JMJD1C: variants seen among roughly 807,000 people sequenced by gnomAD.
JMJD1C encodes jumonji domain-containing protein 1C.
A neutral mutation model predicts 245.3 loss-of-function variants in JMJD1C; 31 were observed. The observed-to-expected ratio is 0.13, with a 90% CI of 0.09 to 0.17. The LOEUF (loss-of-function observed/expected upper bound fraction) is 0.17. Ranked by LOEUF, JMJD1C falls within the 10% of genes least tolerant of loss-of-function variation. The probability of loss-of-function intolerance (pLI) is 1.00; values close to 1 mark genes in which losing one functional copy is unlikely to be tolerated. For missense variants in JMJD1C, 2,691 were observed against 3,000.2 expected (o/e 0.90, Z 2.41); for synonymous variants, 1,057 against 1,017.4 (o/e 1.04, Z -0.74).
rs1253466513 is a variant in JMJD1C, at chr10:63,198,616, T to C, written c.5388A>G (p.Glu1796=). ...TATATTTAGAAGTCTCTATATCTAG[T>C]TCATCATCTTCAAAATTTTCATGTG... ...LWTHENFEDD[E]LDIETSKYIL... Residue 1796 remains glutamate (E), a synonymous_variant, in exon 12 of 26, where the codon GAA becomes GAG. Coordinates refer to ENST00000399262, the MANE Select transcript of JMJD1C (RefSeq NM_032776.3). 1.2e-6 allele frequency: 2 copies of C among 1,608,342 alleles called. No individual in the cohort carries two copies. Among genetic ancestry groups the C allele is most frequent in the Non-Finnish European group, 1.7e-6 (2 of 1,175,310 alleles).
intron 11 of JMJD1C, 74 bp downstream of exon 11, chr10:63,200,402 T>A (rs1463457694): frequency 8.8e-7 from 1 of 1,131,006 alleles, no homozygotes; most frequent in Non-Finnish European, 1.3e-6. Flanking sequence ...AAAGGGACAC[T>A]CAGAATAACA....
intron 3 of JMJD1C, among the ~76,000 whole-genome samples, chr10:63,243,103 T>TATATATATATATATATATATATATA (rs1851692218): frequency 8.3e-6 from 1 of 120,100 alleles, no homozygotes; most frequent in African/African-American, 3.1e-5. Flanking sequence ...CTAACATAAA[T>TATATATATATATATATATATATATA]TATATATATA....
chr10:63,298,229 C>A (rs1859669316), intron 2 of JMJD1C, among the ~76,000 whole-genome samples: 2 of 152,170 alleles, frequency 1.3e-5, no homozygotes, highest in South Asian at 4.1e-4. Flanking sequence ...GTAGTGTGAG[C>A]CGAGTTCAGC....
At chr10:63,304,442 A>G (rs1414870461) in intron 2 of JMJD1C, among the ~76,000 whole-genome samples, 2 of 152,198 alleles carry the variant, frequency 1.3e-5, no homozygotes, top group Non-Finnish European at 2.9e-5. Flanking sequence ...AAAACACCAA[A>G]AAAACCCAGC....
At position 63,208,576 on chromosome 10, in the gene JMJD1C, A is replaced by G. The variant is rs1397945403; in HGVS notation, c.3093T>C (p.Asp1031=). 8 of 1,613,960 alleles carry G rather than the reference A, an allele frequency of 5.0e-6. No homozygotes were observed. The highest frequency in any genetic ancestry group is 1.7e-5 in the Admixed American group (1 of 60,012). Residue 1031 remains aspartate (D), a synonymous_variant, in exon 10 of 26, where the codon GAT becomes GAC. Transcript: ENST00000399262. ...TGATTTTAGTTGTAAAGGGAGCAAC[A>G]TCAATACTTTCTTGAAGAATTCGAC... The part of the protein sequence containing the change: ...EHRRILQESI[D]VAPFTTKIKG...
Position 63,213,845 on chromosome 10 carries a change from T to C in JMJD1C, c.2322A>G (p.Leu774=), listed in dbSNP as rs1414243223. The change falls in exon 8 of 26, where the codon TTA becomes TTG. Residue 774 remains leucine, a synonymous_variant. Transcript: ENST00000399262. ...TCAGAGGATGAGTGTTAATGGTAGGTAATGGAGTTTGACTAGATGATCCGG... is the reference window on the plus strand; with the variant it reads ...TCAGAGGATGAGTGTTAATGGTAGGCAATGGAGTTTGACTAGATGATCCGG... The part of the protein sequence containing the change: ...LLAGSSSQTP[L]PTINTHPLTS... 6.2e-7 allele frequency: 1 copy of C among 1,613,752 alleles called. No individual in the cohort carries two copies. Among genetic ancestry groups the C allele is most frequent in the Non-Finnish European group, 8.5e-7 (1 of 1,179,896 alleles).
At chr10:63,487,500 T>C (rs1057279479) in intron 1 of JMJD1C, among the ~76,000 whole-genome samples, 2 of 152,218 alleles carry the variant, frequency 1.3e-5, no homozygotes, top group African/African-American at 4.8e-5. Flanking sequence ...GACAGCACTC[T>C]AGAACAAAGA....
At chr10:63,241,127 C>T (rs2133502412) in intron 3 of JMJD1C, among the ~76,000 whole-genome samples, 1 of 152,314 alleles carries the variant, frequency 6.6e-6, no homozygotes, top group East Asian at 1.9e-4. Context: ...CATACACACA[C>T]ACTTAGAAAT....
At chr10:63,367,986 C>T (rs1945996523) in intron 2 of JMJD1C, among the ~76,000 whole-genome samples, 1 of 152,166 alleles carries the variant, frequency 6.6e-6, no homozygotes, top group Non-Finnish European at 1.5e-5. Context: ...TATAAATCTT[C>T]CTATCAGGCA....
intron 3 of JMJD1C, among the ~76,000 whole-genome samples, chr10:63,257,930 G>GA (rs139924171): frequency 0.078 from 11,891 of 152,090 alleles, 703 homozygotes; most frequent in East Asian, 0.29. Flanking sequence ...ACCAGCTGGA[G>GA]AAAAAAATGC....
At chr10:63,372,279 T>C (rs746054223) in intron 2 of JMJD1C, among the ~76,000 whole-genome samples, 4 of 152,224 alleles carry the variant, frequency 2.6e-5, no homozygotes, top group Non-Finnish European at 5.9e-5. Flanking sequence ...TGAGAAAAAG[T>C]AGTCTGAGTT....
In JMJD1C at chr10:63,427,642, A is replaced by G. The variant is rs1001038788; in HGVS notation, c.168+37853T>C. ...GGTGGAGAAACAGTGTGTTTACTGT[A>G]TGAACTCTAACAACAGTGGCTGGAC... is the stretch of plus-strand genomic sequence containing the variant. On this transcript the variant is annotated intron_variant, in intron 1 of 25. Coordinates refer to ENST00000399262, the MANE Select transcript of JMJD1C (RefSeq NM_032776.3). 4.5e-6 allele frequency: 6 copies of G among 1,337,582 alleles called. No individual in the cohort carries two copies. The African/African-American group carries it at 7.2e-5, about 16-fold the overall frequency. 82.9% of individuals were successfully genotyped at this position (1,337,582 alleles called of 1,614,324 possible).
chr10:63,403,516 T>A (rs1564883938), intron 1 of JMJD1C, among the ~76,000 whole-genome samples: 1 of 152,184 alleles, frequency 6.6e-6, no homozygotes, highest in South Asian at 2.1e-4. Context: ...TAGTCAAAAT[T>A]AATAGTATTT....
Position 63,197,582 on chromosome 10 carries a change from A to C in JMJD1C, c.5492-19T>G. 6.8e-7 allele frequency: 1 copy of C among 1,480,348 alleles called. No individual in the cohort carries two copies. Among genetic ancestry groups the C allele is most frequent in the Non-Finnish European group, 9.0e-7 (1 of 1,117,220 alleles). 91.7% of individuals were successfully genotyped at this position (1,480,348 alleles called of 1,614,324 possible). A position where few individuals can be genotyped will look rare whatever the true frequency, so the allele number is the denominator to read the frequency against. ...ATTTTGGCTGAAATACAGAAAAAAC[A>C]AAAATTTTAAAGGCAAACATGCTCT... is the stretch of plus-strand genomic sequence containing the variant. On this transcript the variant is annotated intron_variant, in intron 12 of 25. Coordinates refer to ENST00000399262, the MANE Select transcript of JMJD1C (RefSeq NM_032776.3).
chr10:63,214,020 T>A lies in JMJD1C; in HGVS notation c.2147A>T (p.Asp716Val), dbSNP rs1278569316. ...TGTTTCTGACCCAATAAGTGCAGGA[T>A]CTCTGTAAACTGTAAAATGCTCATT... ...DKNEHFTVYR[D>V]PALIGSETGA... is the part of the protein sequence containing the mutation. Residue 716 changes from aspartate to valine, a missense_variant, in exon 8 of 26, where the codon GAT becomes GTT. This residue lies in a region of JMJD1C where 1,562 missense variants were observed against 1,490.7 expected (regional missense o/e 1.05). Coordinates refer to ENST00000399262, the MANE Select transcript of JMJD1C (RefSeq NM_032776.3). 2 of 1,614,204 alleles carry A rather than the reference T, an allele frequency of 1.2e-6. No individual in the cohort carries two copies. The highest frequency in any genetic ancestry group is 1.7e-6 in the Non-Finnish European group (2 of 1,180,018).
chr10:63,441,670 T>G (rs1951396685), intron 1 of JMJD1C, among the ~76,000 whole-genome samples: 1 of 152,104 alleles, frequency 6.6e-6, no homozygotes, highest in Non-Finnish European at 1.5e-5. Flanking sequence ...TTCAACAAAA[T>G]CACATCATAA....
chr10:63,171,846 A>T (rs551997864), intron 24 of JMJD1C, among the ~76,000 whole-genome samples: 2 of 152,348 alleles, frequency 1.3e-5, no homozygotes, highest in South Asian at 4.1e-4. Flanking sequence ...GAAGTCATTA[A>T]CAGTTTTCAG....
intron 2 of JMJD1C, among the ~76,000 whole-genome samples, chr10:63,303,292 C>CT (rs1345694314): frequency 3.3e-5 from 5 of 152,086 alleles, no homozygotes; most frequent in African/African-American, 1.2e-4. Context: ...AAAGACTCTG[C>CT]TTGTGCCTTT....
chr10:63,216,432 C>T (rs1401770609), intron 5 of JMJD1C, among the ~76,000 whole-genome samples: 1 of 152,028 alleles, frequency 6.6e-6, no homozygotes, highest in African/African-American at 2.4e-5. Flanking sequence ...CCATAGGAGC[C>T]GGGCGCGGTG....
Sources: allele counts gnomAD v4.1 joint callset (sites outside exome capture counted in the v4.1 genomes callset), GRCh38; gene constraint gnomAD v4.1.1; regional missense constraint gnomAD v4.1.1; transcripts MANE v1.5; gene names NCBI Gene and HGNC (gene_info 2026-07-23, HGNC 2026-07-21).